Variants in SPAG16 observed in about 807,000 individuals in gnomAD.
The protein encoded by SPAG16 is sperm associated antigen 16.
Under a neutral mutation model 80.4 loss-of-function variants are expected in SPAG16, and 86 were observed. The observed-to-expected ratio is 1.07, with a 90% CI of 0.90 to 1.28. The LOEUF is 1.28. SPAG16 is among the 50% of genes most tolerant of loss of function. The pLI is 0.00. For missense variants in SPAG16, 870 were observed against 765.3 expected, an observed-to-expected ratio of 1.14 and a Z score of -1.61; for synonymous variants, 294 against 265.9, an observed-to-expected ratio of 1.11 and a Z score of -1.03.
At chr2:213,303,897 G>A (rs1559388892) in intron 3 of SPAG16, among the ~76,000 whole-genome samples, 1 of 152,060 alleles carries the variant, frequency 6.6e-6, no homozygotes, top group Non-Finnish European at 1.5e-5. Flanking sequence ...TATATTCCTG[G>A]TAGTAGGATT....
At chr2:214,057,496 C>T (rs1372856152) in intron 13 of SPAG16, among the ~76,000 whole-genome samples, 1 of 152,090 alleles carries the variant, frequency 6.6e-6, no homozygotes, top group East Asian at 1.9e-4. Context: ...GTGCCATCAT[C>T]TAGGCTTTAT....
At chr2:214,202,977 A>C (rs1048855036) in intron 15 of SPAG16, among the ~76,000 whole-genome samples, 1 of 152,170 alleles carries the variant, frequency 6.6e-6, no homozygotes, top group African/African-American at 2.4e-5. Flanking sequence ...AAAAAATCTA[A>C]AGTTTCATTT....
chr2:214,361,176 G>T (rs1230606172), intron 15 of SPAG16, among the ~76,000 whole-genome samples: 1 of 151,850 alleles, frequency 6.6e-6, no homozygotes, highest in Non-Finnish European at 1.5e-5. Flanking sequence ...CTCTCAGCTT[G>T]AAGTCCAAAA....
At chr2:214,182,722 T>C (rs1456810919) in intron 15 of SPAG16, among the ~76,000 whole-genome samples, 2 of 151,928 alleles carry the variant, frequency 1.3e-5, no homozygotes, top group Non-Finnish European at 2.9e-5. Flanking sequence ...TCCAGTAGAT[T>C]CTGTGGTTTT....
intron 10 of SPAG16, among the ~76,000 whole-genome samples, chr2:213,620,768 AG>A (rs1171674229): frequency 6.6e-6 from 1 of 152,190 alleles, no homozygotes; most frequent in Admixed American, 6.5e-5. Flanking sequence ...TTCTATATAA[AG>A]ATAAAATGAA....
intron 9 of SPAG16, among the ~76,000 whole-genome samples, chr2:213,381,688 A>T (rs2067179529): frequency 6.6e-6 from 1 of 152,222 alleles, no homozygotes. Context: ...TTTTAAAATA[A>T]GTATACCCAT....
intron 12 of SPAG16, among the ~76,000 whole-genome samples, chr2:213,933,645 T>A (rs925173804): frequency 1.1e-4 from 17 of 152,222 alleles, no homozygotes; most frequent in African/African-American, 3.9e-4. Flanking sequence ...TTGGGTGGTT[T>A]GTACCAAGGA....
intron 7 of SPAG16, among the ~76,000 whole-genome samples, chr2:213,358,638 A>G (rs1343873063): frequency 6.6e-6 from 1 of 152,076 alleles, no homozygotes; most frequent in Non-Finnish European, 1.5e-5. Flanking sequence ...TGTACTGTTT[A>G]TTATAGTTAG....
chr2:214,346,702 A>G (rs1002107740), intron 15 of SPAG16, among the ~76,000 whole-genome samples: 2 of 152,184 alleles, frequency 1.3e-5, no homozygotes, highest in African/African-American at 4.8e-5. Flanking sequence ...ACAAAGCTCA[A>G]TTCCCGTGAG....
intron 15 of SPAG16, among the ~76,000 whole-genome samples, chr2:214,192,497 AT>A (rs1485740764): frequency 6.6e-6 from 1 of 152,048 alleles, no homozygotes; most frequent in Non-Finnish European, 1.5e-5. Flanking sequence ...AGAAAATAAT[AT>A]TTTGTTCACA....
chr2:213,335,850 T>A (rs2064330852), intron 5 of SPAG16, among the ~76,000 whole-genome samples: 1 of 151,758 alleles, frequency 6.6e-6, no homozygotes, highest in African/African-American at 2.4e-5. Context: ...AGGTCATTTT[T>A]AAAAAAATAG....
intron 12 of SPAG16, among the ~76,000 whole-genome samples, chr2:214,002,878 T>C (rs1397353): frequency 0.5 from 75,612 of 151,954 alleles, 19,459 homozygotes; most frequent in South Asian, 0.76. Flanking sequence ...TAGAAACACC[T>C]TCACAGACAT....
intron 12 of SPAG16, among the ~76,000 whole-genome samples, chr2:214,011,915 A>G (rs909918991): frequency 2.6e-5 from 4 of 152,150 alleles, no homozygotes; most frequent in African/African-American, 7.2e-5. Context: ...CTTACAGTTC[A>G]TATGTGCTGT....
intron 13 of SPAG16, among the ~76,000 whole-genome samples, chr2:214,030,523 A>G (rs537578164): frequency 3.3e-5 from 5 of 152,206 alleles, no homozygotes; most frequent in Non-Finnish European, 7.4e-5. Flanking sequence ...TGTATATGGT[A>G]TAAAGAGGTC....
At chr2:214,275,643 C>T (rs955537574) in intron 15 of SPAG16, among the ~76,000 whole-genome samples, 19 of 152,184 alleles carry the variant, frequency 1.2e-4, no homozygotes, top group African/African-American at 4.1e-4. Context: ...TTTGATTGCA[C>T]TGTGGTCTGA....
At chr2:214,049,471 A>G (rs1418850418) in intron 13 of SPAG16, among the ~76,000 whole-genome samples, 2 of 152,220 alleles carry the variant, frequency 1.3e-5, no homozygotes, top group South Asian at 4.1e-4. Flanking sequence ...ATTTTCTGGT[A>G]AAGTGAATTA....
chr2:213,475,761 G>T (rs2073339652), intron 9 of SPAG16, among the ~76,000 whole-genome samples: 1 of 152,140 alleles, frequency 6.6e-6, no homozygotes, highest in African/African-American at 2.4e-5. Flanking sequence ...AAATACACTG[G>T]AGTAATGGTA....
chr2:214,150,350 A>C (rs1576356675), intron 15 of SPAG16, among the ~76,000 whole-genome samples: 1 of 152,092 alleles, frequency 6.6e-6, no homozygotes, highest in African/African-American at 2.4e-5. Context: ...CATATGAACC[A>C]CACTAGTAAC....
intron 10 of SPAG16, among the ~76,000 whole-genome samples, chr2:213,758,442 T>C (rs192889492): frequency 7.8e-4 from 119 of 151,802 alleles, no homozygotes; most frequent in African/African-American, 2.8e-3. Flanking sequence ...TACAGGAAGA[T>C]ATAGAGAAAG....
Sources: gnomAD v4.1 joint callset for allele counts (sites outside exome capture counted in the v4.1 genomes callset) on GRCh38, gnomAD v4.1.1 for gene constraint, MANE v1.5 for transcripts, NCBI Gene and HGNC (gene_info 2026-07-23, HGNC 2026-07-21) for gene names.